The following BRF1 variants were observed in gnomAD, a reference collection of about 807,000 sequenced individuals.
BRF1 encodes transcription factor IIIB 90 kDa subunit.
In BRF1, 59 loss-of-function variants were observed where a neutral mutation model predicts 81.7. That is an observed-to-expected ratio of 0.72 (90% CI 0.59 to 0.90). BRF1 has a LOEUF of 0.90. Among genes scored for constraint, BRF1 ranks in the 40% least tolerant of loss-of-function variants. BRF1 has a pLI of 0.00. For missense variants in BRF1, 1,050 were observed against 936.3 expected (o/e 1.12, Z -1.58); for synonymous variants, 491 against 395.6 (o/e 1.24, Z -2.86).
intron 1 of BRF1, among the ~76,000 whole-genome samples, chr14:105,296,183 C>T (rs1021844863): frequency 4.0e-5 from 6 of 151,106 alleles, no homozygotes; most frequent in Admixed American, 6.6e-5. Context: ...GAGGCCAAGG[C>T]GGGTGGATCG....
rs1448447184 is a variant in BRF1, at chr14:105,252,495, C to A, written c.544+12G>T. 1 of 1,613,074 alleles carries A rather than the reference C, an allele frequency of 6.2e-7. No individual in the cohort carries two copies. Among genetic ancestry groups the A allele is most frequent in the South Asian group, 1.1e-5 (1 of 90,954 alleles). Reference sequence around the variant, plus strand: ...CCTGCCGGACACCCCAGCATCTCACCCAGATGCCTACCTATGGCCGGCGCA... The same window carrying A: ...CCTGCCGGACACCCCAGCATCTCACACAGATGCCTACCTATGGCCGGCGCA... On this transcript the variant is annotated intron_variant, in intron 5 of 17. Transcript: ENST00000547530.
intron 5 of BRF1, among the ~76,000 whole-genome samples, chr14:105,244,485 C>CT (rs1452947735): frequency 6.7e-6 from 1 of 150,274 alleles, no homozygotes; most frequent in East Asian, 1.9e-4. Flanking sequence ...TTTTTCAAGA[C>CT]AAATCTGTCA....
intron 1 of BRF1, among the ~76,000 whole-genome samples, chr14:105,314,178 CA>C (rs1389410702): frequency 6.6e-6 from 1 of 152,068 alleles, no homozygotes; most frequent in Admixed American, 6.5e-5. Flanking sequence ...GGAACCCACG[CA>C]GGGGGGCGCG....
chr14:105,297,235 C>T (rs1398702342), intron 1 of BRF1, among the ~76,000 whole-genome samples: 2 of 152,140 alleles, frequency 1.3e-5, no homozygotes, highest in African/African-American at 4.8e-5. Flanking sequence ...TAAATGAATG[C>T]AAACATACAC....
In BRF1 at chr14:105,241,413, G is replaced by A; in HGVS notation, c.546C>T (p.Asp182=). 3 of 1,611,320 alleles carry A rather than the reference G, an allele frequency of 1.9e-6. No individual in the cohort carries two copies. The highest frequency in any genetic ancestry group is 2.5e-6 in the Non-Finnish European group (3 of 1,179,878). The change falls in exon 6 of 18, where the codon GAC becomes GAT. Residue 182 remains aspartate, a splice_region_variant and synonymous_variant. Transcript: ENST00000547530. ...RELCINAPAI[D]PCLYIPRFAH... Reference sequence around the variant, plus strand: ...CAAAGCGTGGAATATACAGGCACGGGTCTGCGGCAGACACAGCACCTCAGT... The same window carrying A: ...CAAAGCGTGGAATATACAGGCACGGATCTGCGGCAGACACAGCACCTCAGT...
chr14:105,248,410 G>A (rs929928396), intron 5 of BRF1: 7 of 985,404 alleles, frequency 7.1e-6, no homozygotes, highest in Admixed American at 6.1e-5. Flanking sequence ...CGCCTTCCAC[G>A]GCTACCTCTG....
chr14:105,285,884 C>T (rs2057296750), intron 2 of BRF1, among the ~76,000 whole-genome samples: 1 of 152,192 alleles, frequency 6.6e-6, no homozygotes, highest in Non-Finnish European at 1.5e-5. Context: ...GTACCTAAAA[C>T]ACATAAAGAA....
In BRF1 at chr14:105,272,716, G is replaced by A. The variant is rs749910782; in HGVS notation, c.439+5C>T. 1 of 1,601,314 alleles carries A rather than the reference G, an allele frequency of 6.2e-7. No individual in the cohort carries two copies. The highest frequency in any genetic ancestry group is 1.7e-4 in the Middle Eastern group (1 of 6,036). ...CCTCTGGGAGGCTCTCAAACCAAAG[G>A]ATACGCGGCGTGCCCTCCGTACGGC... On this transcript the variant is annotated splice_donor_5th_base_variant and intron_variant, in intron 3 of 17. Coordinates refer to ENST00000547530, the MANE Select transcript of BRF1 (RefSeq NM_001519.4).
intron 3 of BRF1, among the ~76,000 whole-genome samples, chr14:105,263,755 C>G (rs587627826): frequency 9.2e-5 from 14 of 152,066 alleles, no homozygotes; most frequent in African/African-American, 3.4e-4. Flanking sequence ...GAAACCCTGT[C>G]TCTACTAAAA....
At chr14:105,275,504 C>T (rs587707218) in intron 2 of BRF1, among the ~76,000 whole-genome samples, 2 of 152,368 alleles carry the variant, frequency 1.3e-5, no homozygotes, top group South Asian at 4.1e-4. Context: ...AGACCGTCCC[C>T]GCGGCCCAGC....
upstream of BRF1, among the ~76,000 whole-genome samples, chr14:105,304,760 G>A (rs1340434854): frequency 6.6e-6 from 1 of 152,224 alleles, no homozygotes; most frequent in African/African-American, 2.4e-5. Context: ...AGGCAAGGAG[G>A]AGCAAGTCAC....
chr14:105,229,352 A>G (rs185501069), intron 6 of BRF1, among the ~76,000 whole-genome samples: 1 of 152,208 alleles, frequency 6.6e-6, no homozygotes, highest in Non-Finnish European at 1.5e-5. Flanking sequence ...CAGTGCAAAC[A>G]TGGAGATCAT....
intron 2 of BRF1, among the ~76,000 whole-genome samples, chr14:105,283,172 C>G (rs1252730836): frequency 6.6e-6 from 1 of 152,174 alleles, no homozygotes. Flanking sequence ...ACTGCCACAG[C>G]AGGGGGCCTG....
intron 5 of BRF1, chr14:105,252,244 G>A: frequency 2.1e-6 from 1 of 469,044 alleles, no homozygotes; most frequent in Non-Finnish European, 2.8e-6. Flanking sequence ...GGAGGCGAAG[G>A]CACGAGGATC....
At chr14:105,229,643 C>A (rs587770202) in intron 6 of BRF1, among the ~76,000 whole-genome samples, 72 of 151,056 alleles carry the variant, frequency 4.8e-4, no homozygotes, top group Non-Finnish European at 7.3e-4. Context: ...CAGCTGGGGG[C>A]GGGGGACAGC....
chr14:105,311,310 G>A (rs1037781917), intron 1 of BRF1, among the ~76,000 whole-genome samples: 1 of 152,042 alleles, frequency 6.6e-6, no homozygotes, highest in Non-Finnish European at 1.5e-5. Context: ...CTGGAGTGCA[G>A]TGGTGTGATC....
intron 2 of BRF1, among the ~76,000 whole-genome samples, chr14:105,282,441 A>G (rs959074674): frequency 6.6e-6 from 1 of 152,204 alleles, no homozygotes; most frequent in African/African-American, 2.4e-5. Flanking sequence ...CGGAAGCTAC[A>G]TTCACAGATT....
At chr14:105,225,972 C>A (rs1893021260) in intron 10 of BRF1, 97 bp downstream of exon 10, 5 of 1,237,812 alleles carry the variant, frequency 4.0e-6, no homozygotes, top group Middle Eastern at 2.8e-4. Context: ...TAGATAATCC[C>A]CTTCCCTTTC....
rs762109382 is a variant in BRF1, at chr14:105,249,477, A to T, written c.544+3030T>A. The T allele has an allele frequency of 9.3e-6, 15 of 1,613,150 alleles. No individual in the cohort carries two copies. The East Asian group carries it at 3.1e-4, about 34-fold the overall frequency. On this transcript the variant is annotated intron_variant, in intron 5 of 17. Transcript: ENST00000547530. ...GCCCGCAGCCTTTCTGATCCTCTTA[A>T]AGTAAGTCCACTCTACTGGGGAGGG...
Sources: gnomAD v4.1 joint callset for allele counts (sites outside exome capture counted in the v4.1 genomes callset) on GRCh38, gnomAD v4.1.1 for gene constraint, MANE v1.5 for transcripts, NCBI Gene and HGNC (gene_info 2026-07-23, HGNC 2026-07-21) for gene names.